The following KALRN variants were observed in gnomAD, a reference collection of about 807,000 sequenced individuals.
KALRN encodes the protein kalirin RhoGEF kinase, also known as kalirin.
A neutral mutation model predicts 353.7 loss-of-function variants in KALRN; 70 were observed. The observed-to-expected ratio is 0.20, with a 90% confidence interval of 0.16 to 0.24. The LOEUF is 0.24. Ranked by LOEUF, KALRN falls within the 10% of genes least tolerant of loss-of-function variation. KALRN has a pLI of 1.00. For synonymous variants in KALRN, 1,391 were observed against 1,434.8 expected (o/e 0.97, Z 0.69); for missense variants, 2,791 against 3,756.7 (o/e 0.74, Z 6.72).
At chr3:124,333,722 T>C (rs1306009622) in intron 8 of KALRN, among the ~76,000 whole-genome samples, 1 of 152,106 alleles carries the variant, frequency 6.6e-6, no homozygotes, top group Non-Finnish European at 1.5e-5. Context: ...ACCCCGTCTC[T>C]ACTAAAAATA....
intron 23 of KALRN, 46 bp downstream of exon 23, chr3:124,456,774 C>T: frequency 2.2e-6 from 3 of 1,362,202 alleles, no homozygotes; most frequent in South Asian, 2.4e-5. Flanking sequence ...CGTGACTATG[C>T]TGGGCTTTCA....
At chr3:124,670,797 T>C (rs145488217) in intron 47 of KALRN, among the ~76,000 whole-genome samples, 1 of 152,358 alleles carries the variant, frequency 6.6e-6, no homozygotes, top group African/African-American at 2.4e-5. Context: ...TGCAACCTTG[T>C]TACCTTAAAC....
chr3:124,509,707 A>G (rs753207403), intron 33 of KALRN, among the ~76,000 whole-genome samples: 2 of 152,248 alleles, frequency 1.3e-5, no homozygotes, highest in African/African-American at 2.4e-5. Flanking sequence ...ATAGAGATGC[A>G]GCAATGAAAT....
At chr3:124,366,283 T>A (rs2149724144) in intron 10 of KALRN, among the ~76,000 whole-genome samples, 1 of 147,846 alleles carries the variant, frequency 6.8e-6, no homozygotes, top group East Asian at 2.0e-4. Context: ...GGGACAATAG[T>A]GGAGGGAAGG....
intron 33 of KALRN, among the ~76,000 whole-genome samples, chr3:124,525,908 T>G (rs773404120): frequency 2.0e-5 from 3 of 151,544 alleles, no homozygotes; most frequent in Non-Finnish European, 4.4e-5. Flanking sequence ...ATGGAATAGG[T>G]CATTAAAGAG....
At chr3:124,701,175 G>C (rs375226848) in intron 56 of KALRN, among the ~76,000 whole-genome samples, 1 of 152,196 alleles carries the variant, frequency 6.6e-6, no homozygotes, top group Non-Finnish European at 1.5e-5. Flanking sequence ...ACACAAATGC[G>C]TATTGCTGTG....
At chr3:124,042,252 G>A (rs2040028921) in intron 1 of KALRN, among the ~76,000 whole-genome samples, 1 of 152,198 alleles carries the variant, frequency 6.6e-6, no homozygotes, top group African/African-American at 2.4e-5. Context: ...GACTCAGGAG[G>A]TGGCAACCAG....
chr3:124,216,466 C>T (rs1478484732), intron 1 of KALRN, among the ~76,000 whole-genome samples: 1 of 152,184 alleles, frequency 6.6e-6, no homozygotes. Context: ...GAAAAATGGA[C>T]ACATATGGAC....
chr3:124,516,858 C>T (rs1166201453), intron 33 of KALRN, among the ~76,000 whole-genome samples: 2 of 151,896 alleles, frequency 1.3e-5, no homozygotes, highest in African/African-American at 2.4e-5. Context: ...CACTCTGTCA[C>T]CCAGGCTGGA....
chr3:124,059,036 C>T (rs368495607), intron 1 of KALRN, among the ~76,000 whole-genome samples: 1 of 152,030 alleles, frequency 6.6e-6, no homozygotes, highest in South Asian at 2.1e-4. Flanking sequence ...TTGTCCCTTC[C>T]TTCCTGAGAC....
chr3:124,411,436 T>A (rs960431183), intron 13 of KALRN, among the ~76,000 whole-genome samples: 1 of 63,388 alleles, frequency 1.6e-5, no homozygotes, highest in Non-Finnish European at 3.0e-5. Context: ...AATTATGCTT[T>A]TTTTTTTTTT....
At chr3:124,621,280 AT>A (rs1561445639) in intron 34 of KALRN, among the ~76,000 whole-genome samples, 1 of 152,210 alleles carries the variant, frequency 6.6e-6, no homozygotes, top group Non-Finnish European at 1.5e-5. Context: ...TGTACTTTTA[AT>A]TTAATGGGAA....
At chr3:124,600,398 G>A (rs2076681958) in intron 34 of KALRN, among the ~76,000 whole-genome samples, 1 of 152,224 alleles carries the variant, frequency 6.6e-6, no homozygotes, top group East Asian at 1.9e-4. Flanking sequence ...TTCAACTCTT[G>A]TTTGGTTGCC....
intron 18 of KALRN, among the ~76,000 whole-genome samples, chr3:124,441,624 A>C (rs532287030): frequency 6.6e-6 from 1 of 152,250 alleles, no homozygotes; most frequent in African/African-American, 2.4e-5. Flanking sequence ...CAGTAGTTTG[A>C]GACCAGCCTG....
At chr3:124,592,391 A>G (rs905355537) in intron 34 of KALRN, among the ~76,000 whole-genome samples, 7 of 151,968 alleles carry the variant, frequency 4.6e-5, no homozygotes, top group African/African-American at 7.3e-5. Context: ...GGGCAACACA[A>G]GGTACAAGAA....
chr3:124,548,088 A>C (rs1229044416), intron 33 of KALRN, among the ~76,000 whole-genome samples: 1 of 152,176 alleles, frequency 6.6e-6, no homozygotes, highest in East Asian at 1.9e-4. Flanking sequence ...AGTTTTCATC[A>C]CCAAGTCCTT....
At chr3:124,603,971 G>C (rs1304789594) in intron 34 of KALRN, among the ~76,000 whole-genome samples, 2 of 152,062 alleles carry the variant, frequency 1.3e-5, no homozygotes, top group Non-Finnish European at 2.9e-5. Context: ...AGGATAAAGA[G>C]AGTGAACAAC....
At chr3:124,380,507 C>A (rs564243180) in intron 10 of KALRN, among the ~76,000 whole-genome samples, 11 of 152,186 alleles carry the variant, frequency 7.2e-5, no homozygotes, top group African/African-American at 2.7e-4. Context: ...AAAGCTCCAA[C>A]AGCTGAGGGA....
intron 6 of KALRN, among the ~76,000 whole-genome samples, chr3:124,313,845 A>G (rs1052065337): frequency 1.3e-5 from 2 of 152,168 alleles, no homozygotes; most frequent in Non-Finnish European, 2.9e-5. Flanking sequence ...GTCAAACTCT[A>G]AAGTTATCAA....
Sources: gnomAD v4.1 joint callset for allele counts (sites outside exome capture counted in the v4.1 genomes callset) on GRCh38, gnomAD v4.1.1 for gene constraint, MANE v1.5 for transcripts, NCBI Gene and HGNC (gene_info 2026-07-23, HGNC 2026-07-21) for gene names.